The following LMNTD1 variants were observed in gnomAD, a reference collection of about 807,000 sequenced individuals.
LMNTD1 encodes the protein lamin tail domain containing 1.
A neutral mutation model predicts 50.9 loss-of-function variants in LMNTD1; 35 were observed. The observed-to-expected ratio is 0.69, with a 90% CI of 0.53 to 0.91. The LOEUF (loss-of-function observed/expected upper bound fraction) is 0.91. Among genes scored for constraint, LMNTD1 ranks in the 40% least tolerant of loss-of-function variants. LMNTD1 has a pLI of 0.00. For missense variants in LMNTD1, 470 were observed against 475.5 expected (o/e 0.99, Z 0.11); for synonymous variants, 153 against 161.9 (o/e 0.94, Z 0.42).
intron 1 of LMNTD1, among the ~76,000 whole-genome samples, chr12:25,645,534 C>T (rs1947051011): frequency 6.6e-6 from 1 of 152,148 alleles, no homozygotes. Flanking sequence ...AGCTCGCTAA[C>T]ATAGAGTAGA....
Position 25,611,891 on chromosome 12 carries a change from C to A in LMNTD1, c.58+36603G>T, listed in dbSNP as rs145284621. On this transcript the variant is annotated intron_variant, in intron 1 of 7. Coordinates refer to the LMNTD1 transcript ENST00000445693. ...TATACACTTGGATTTCCTTTGCTTG[C>A]CAGTTCTGATCCATAACATTTCCTC... Among the ~76,000 whole-genome samples the A allele has an allele frequency of 3.9e-5, 6 of 152,342 alleles. No homozygotes were observed. The East Asian group carries it at 9.7e-4, about 25-fold the overall frequency.
rs374940068 is a variant in LMNTD1 at position 25,646,738 on chromosome 12, A to G, written c.58+1756T>C. Among the ~76,000 whole-genome samples the G allele has an allele frequency of 8.5e-5, 13 of 152,354 alleles. No homozygotes were observed. In the East Asian group the frequency reaches 1.5e-3, roughly 18 times the overall value. On this transcript the variant is annotated intron_variant, in intron 1 of 7. Coordinates refer to the LMNTD1 transcript ENST00000445693. ...AAAATTCTAACAGTAGTAAGCTGCCAGTGTTTAAAAATATAATGTCCTGGT... is the reference window on the plus strand; with the variant it reads ...AAAATTCTAACAGTAGTAAGCTGCCGGTGTTTAAAAATATAATGTCCTGGT...
intron 1 of LMNTD1, among the ~76,000 whole-genome samples, chr12:25,607,737 G>A (rs1946146617): frequency 6.6e-6 from 1 of 152,188 alleles, no homozygotes; most frequent in Non-Finnish European, 1.5e-5. Flanking sequence ...ATTGGCTGAA[G>A]AGTGCTTTAC....
chr12:25,636,300 C>A (rs541201880), intron 1 of LMNTD1, among the ~76,000 whole-genome samples: 88 of 142,354 alleles, frequency 6.2e-4, no homozygotes, highest in African/African-American at 1.4e-3. Flanking sequence ...TTAAAAAAAA[C>A]ATCCCATCAA....
chr12:25,613,203 G>A (rs374981341), intron 1 of LMNTD1, among the ~76,000 whole-genome samples: 14 of 152,270 alleles, frequency 9.2e-5, no homozygotes, highest in African/African-American at 3.4e-4. Flanking sequence ...GCATGAAGTT[G>A]GTGGTAATTT....
chr12:25,557,300 G>A (rs1267282285), upstream of LMNTD1: 1 of 152,160 alleles, frequency 6.6e-6, no homozygotes, highest in African/African-American at 2.4e-5. Context: ...TAGAGGACAT[G>A]TATTGGAAGT....
At chr12:25,621,348 C>T (rs1372308310) in intron 1 of LMNTD1, among the ~76,000 whole-genome samples, 2 of 152,114 alleles carry the variant, frequency 1.3e-5, no homozygotes, top group African/African-American at 2.4e-5. Context: ...CCTTAGACTT[C>T]CAAAGTGCTG....
intron 9 of LMNTD1, among the ~76,000 whole-genome samples, chr12:25,487,198 T>C (rs1472974459): frequency 7.6e-6 from 1 of 131,232 alleles, no homozygotes; most frequent in East Asian, 2.4e-4. Context: ...TTGTTGACTT[T>C]CTGTCTCGTT....
intron 1 of LMNTD1, among the ~76,000 whole-genome samples, chr12:25,623,133 C>A (rs1024647475): frequency 6.6e-6 from 1 of 152,076 alleles, no homozygotes; most frequent in South Asian, 2.1e-4. Flanking sequence ...AAAACTCTAT[C>A]GTTTCCTGTA....
intron 1 of LMNTD1, among the ~76,000 whole-genome samples, chr12:25,614,236 C>G (rs278998): frequency 0.59 from 89,134 of 151,770 alleles, 28,063 homozygotes; most frequent in Middle Eastern, 0.73. Flanking sequence ...TAGTTCTCTT[C>G]TGGCCTCATC....
chr12:25,530,564 T>C (rs1382841182), intron 4 of LMNTD1, among the ~76,000 whole-genome samples: 1 of 152,202 alleles, frequency 6.6e-6, no homozygotes, highest in Non-Finnish European at 1.5e-5. Flanking sequence ...AAACAGCCAG[T>C]TTCTGAATAT....
chr12:25,520,145 CATAT>C lies in LMNTD1; in HGVS notation c.799-74_799-71del, dbSNP rs71065950. On this transcript the variant is annotated intron_variant, in intron 6 of 9. Coordinates refer to ENST00000458174, the MANE Select transcript of LMNTD1 (RefSeq NM_001145728.2). ...TTACAACATGCTGTTATGAGATATACATATATATATATATATATATATATATATA... is the reference window on the plus strand; with the variant it reads ...TTACAACATGCTGTTATGAGATATACATATATATATATATATATATATATA... The C allele has an allele frequency of 1.2e-3, 275 of 234,166 alleles. 3 individuals are homozygous for C. The highest frequency in any genetic ancestry group is 7.8e-3 in the African/African-American group (223 of 28,428). 14.5% of individuals were successfully genotyped at this position (234,166 alleles called of 1,614,324 possible).
chr12:25,585,041 G>A (rs924693953), intron 1 of LMNTD1, among the ~76,000 whole-genome samples: 1 of 152,154 alleles, frequency 6.6e-6, no homozygotes. Context: ...TTTAATAAAG[G>A]GTCTGACCTT....
chr12:25,618,386 A>T (rs2136556026), intron 1 of LMNTD1, among the ~76,000 whole-genome samples: 1 of 152,322 alleles, frequency 6.6e-6, no homozygotes, highest in Admixed American at 6.5e-5. Flanking sequence ...CCACTCACTC[A>T]GGTGAAAGAA....
chr12:25,638,440 C>T (rs928875025), intron 1 of LMNTD1, among the ~76,000 whole-genome samples: 1 of 151,874 alleles, frequency 6.6e-6, no homozygotes, highest in African/African-American at 2.4e-5. Flanking sequence ...GTAGAAAATA[C>T]TAAACAACTT....
chr12:25,496,632 G>T (rs978966444), intron 9 of LMNTD1, among the ~76,000 whole-genome samples: 9 of 152,146 alleles, frequency 5.9e-5, no homozygotes, highest in African/African-American at 9.7e-5. Context: ...AAGTTGTTTT[G>T]TTGAGCAATG....
At chr12:25,574,815 A>C (rs1277937372) in intron 1 of LMNTD1, among the ~76,000 whole-genome samples, 2 of 152,204 alleles carry the variant, frequency 1.3e-5, no homozygotes, top group Non-Finnish European at 2.9e-5. Flanking sequence ...AAGTATTTGC[A>C]AAAAGAAGGA....
intron 1 of LMNTD1, among the ~76,000 whole-genome samples, chr12:25,580,161 C>T (rs1337882288): frequency 6.6e-6 from 1 of 152,148 alleles, no homozygotes; most frequent in Non-Finnish European, 1.5e-5. Context: ...CTCTTTTGTC[C>T]AATGGAAAAC....
chr12:25,524,429 G>T (rs967589807), intron 6 of LMNTD1, among the ~76,000 whole-genome samples: 3 of 152,126 alleles, frequency 2.0e-5, no homozygotes, highest in Non-Finnish European at 2.9e-5. Context: ...CCACAGAAAT[G>T]GTCTGATTCT....
Sources: allele counts gnomAD v4.1 joint callset (sites outside exome capture counted in the v4.1 genomes callset), GRCh38; gene constraint gnomAD v4.1.1; transcripts MANE v1.5; gene names NCBI Gene and HGNC (gene_info 2026-07-23, HGNC 2026-07-21).